CAMKMT: variants seen among roughly 807,000 people sequenced by gnomAD.
CAMKMT encodes CaM KMT.
Under a neutral mutation model 48.0 loss-of-function variants are expected in CAMKMT, and 53 were observed. That is an observed-to-expected ratio of 1.10 (90% CI 0.89 to 1.39). The LOEUF (loss-of-function observed/expected upper bound fraction) is 1.39, where lower values mean the gene tolerates loss of function less well. Ranked by LOEUF, CAMKMT falls within the 40% of genes most tolerant of loss-of-function variation. CAMKMT has a pLI of 0.00. For missense variants in CAMKMT, 428 were observed against 402.7 expected (o/e 1.06, Z -0.54); for synonymous variants, 165 against 152.3 (o/e 1.08, Z -0.61).
At chr2:44,496,002 C>G (rs1669735422) in intron 3 of CAMKMT, among the ~76,000 whole-genome samples, 1 of 152,120 alleles carries the variant, frequency 6.6e-6, no homozygotes, top group Non-Finnish European at 1.5e-5. Context: ...TCCTTAAATA[C>G]AGAGTATTTA....
At chr2:44,402,260 C>T (rs1682441220) in intron 3 of CAMKMT, among the ~76,000 whole-genome samples, 1 of 143,064 alleles carries the variant, frequency 7.0e-6, no homozygotes, top group Admixed American at 7.5e-5. Flanking sequence ...ACCCGGGAGG[C>T]AGAGCTTGCA....
At chr2:44,429,261 G>A (rs899359582) in intron 3 of CAMKMT, among the ~76,000 whole-genome samples, 5 of 110,468 alleles carry the variant, frequency 4.5e-5, no homozygotes, top group African/African-American at 1.0e-4. Flanking sequence ...TTATATATAT[G>A]TGTGTGTGTG....
chr2:44,604,787 A>G (rs933565571), intron 3 of CAMKMT, among the ~76,000 whole-genome samples: 43 of 151,966 alleles, frequency 2.8e-4, no homozygotes, highest in African/African-American at 9.9e-4. Context: ...TTTTTCCTGA[A>G]TGTAATTGTC....
intron 3 of CAMKMT, among the ~76,000 whole-genome samples, chr2:44,679,181 G>T (rs935657299): frequency 6.6e-6 from 1 of 152,094 alleles, no homozygotes; most frequent in Non-Finnish European, 1.5e-5. Context: ...GGGGCCTGTG[G>T]GTGAATCAAT....
intron 2 of CAMKMT, among the ~76,000 whole-genome samples, chr2:44,384,977 C>G (rs1362385845): frequency 1.3e-5 from 2 of 151,918 alleles, no homozygotes; most frequent in Non-Finnish European, 2.9e-5. Flanking sequence ...TTTTTTGGTT[C>G]CATATAAATT....
At chr2:44,771,776 A>T (rs958241116) in intron 10 of CAMKMT, among the ~76,000 whole-genome samples, 5 of 152,170 alleles carry the variant, frequency 3.3e-5, no homozygotes, top group Non-Finnish European at 7.3e-5. Context: ...AGTGCCTCAC[A>T]GTTTATAGAG....
intron 3 of CAMKMT, among the ~76,000 whole-genome samples, chr2:44,523,224 G>T (rs1160820047): frequency 6.6e-6 from 1 of 151,494 alleles, no homozygotes; most frequent in African/African-American, 2.4e-5. Context: ...ATTTGGGATA[G>T]TCACAGCAGG....
chr2:44,662,121 T>C (rs1674710220), intron 3 of CAMKMT, among the ~76,000 whole-genome samples: 1 of 152,152 alleles, frequency 6.6e-6, no homozygotes, highest in African/African-American at 2.4e-5. Flanking sequence ...GTACCTCAAG[T>C]GTTTGAAGAC....
At chr2:44,449,914 C>A (rs1231393773) in intron 3 of CAMKMT, among the ~76,000 whole-genome samples, 1 of 152,056 alleles carries the variant, frequency 6.6e-6, no homozygotes, top group Non-Finnish European at 1.5e-5. Context: ...TTTATGATCA[C>A]TATAACATTT....
At chr2:44,432,319 G>A (rs888646579) in intron 3 of CAMKMT, among the ~76,000 whole-genome samples, 3 of 152,040 alleles carry the variant, frequency 2.0e-5, no homozygotes, top group Non-Finnish European at 4.4e-5. Context: ...TGACTCTCCT[G>A]TGACTCTCCT....
At chr2:44,546,393 A>G (rs1667408113) in intron 3 of CAMKMT, among the ~76,000 whole-genome samples, 1 of 152,158 alleles carries the variant, frequency 6.6e-6, no homozygotes, top group South Asian at 2.1e-4. Context: ...GCTCAGCCTC[A>G]TTCTGCCACG....
intron 3 of CAMKMT, among the ~76,000 whole-genome samples, chr2:44,650,175 G>A (rs939195710): frequency 6.6e-6 from 1 of 152,166 alleles, no homozygotes; most frequent in African/African-American, 2.4e-5. Flanking sequence ...TGCTCCATCT[G>A]AAACCCCTAG....
Position 44,419,180 on chromosome 2 carries a change from C to T in CAMKMT, c.376+28875C>T, listed in dbSNP as rs184863736. Among the ~76,000 whole-genome samples the T allele has an allele frequency of 4.1e-3, 618 of 152,264 alleles. 5 individuals carry two copies. The highest frequency in any genetic ancestry group is 0.014 in the African/African-American group (586 of 41,560). On this transcript the variant is annotated intron_variant, in intron 3 of 10. Coordinates refer to ENST00000378494, the MANE Select transcript of CAMKMT (RefSeq NM_024766.5). ...CTAAAACTACTTTTCCAGATTCCGT[C>T]GCAGCTAAGGTGCTAAATATGAATT...
intron 7 of CAMKMT, among the ~76,000 whole-genome samples, chr2:44,736,388 A>T (rs1679357207): frequency 6.6e-6 from 1 of 152,178 alleles, no homozygotes; most frequent in Non-Finnish European, 1.5e-5. Context: ...ATATGCTGTC[A>T]TCCTTATCTT....
At chr2:44,413,485 C>G (rs59067805) in intron 3 of CAMKMT, among the ~76,000 whole-genome samples, 4 of 151,952 alleles carry the variant, frequency 2.6e-5, no homozygotes, top group African/African-American at 9.7e-5. Context: ...AACCCCGTGT[C>G]TACTAAAAAT....
intron 8 of CAMKMT, among the ~76,000 whole-genome samples, chr2:44,744,895 A>T (rs563599468): frequency 3.3e-5 from 5 of 152,226 alleles, no homozygotes; most frequent in African/African-American, 1.2e-4. Flanking sequence ...ACCCAATTTC[A>T]GAAAATCTTG....
At chr2:44,728,815 G>GTTAAGATAGC (rs889362269) in intron 7 of CAMKMT, among the ~76,000 whole-genome samples, 2 of 91,456 alleles carry the variant, frequency 2.2e-5, no homozygotes, top group African/African-American at 8.3e-5. Context: ...CTTTTTCTTT[G>GTTAAGATAGC]TTAAGATAGC....
At chr2:44,374,859 C>G (rs1287152947) in intron 2 of CAMKMT, among the ~76,000 whole-genome samples, 1 of 151,784 alleles carries the variant, frequency 6.6e-6, no homozygotes, top group Non-Finnish European at 1.5e-5. Context: ...TAGTATCTGT[C>G]CACATTAGTG....
intron 3 of CAMKMT, among the ~76,000 whole-genome samples, chr2:44,673,439 AAAAGAGAGAGAGAAAGAGAAAG>A (rs1246859841): frequency 6.7e-6 from 1 of 149,040 alleles, no homozygotes; most frequent in Non-Finnish European, 1.5e-5. Flanking sequence ...AAAAAAAAAA[AAAAGAGAGAGAGAAAGAGAAAG>A]AAAGAGAGAG....
Sources: gnomAD v4.1 joint callset for allele counts (sites outside exome capture counted in the v4.1 genomes callset) on GRCh38, gnomAD v4.1.1 for gene constraint, MANE v1.5 for transcripts, NCBI Gene and HGNC (gene_info 2026-07-23, HGNC 2026-07-21) for gene names.